Variants in KIF15 observed in about 807,000 individuals in gnomAD.
KIF15 encodes kinesin-like protein KIF15.
A neutral mutation model predicts 190.6 loss-of-function variants in KIF15; 140 were observed. The ratio of observed to expected loss-of-function variants is 0.73; its 90% CI spans 0.64 to 0.84. The LOEUF (loss-of-function observed/expected upper bound fraction) is 0.84, where lower values mean the gene tolerates loss of function less well. KIF15 is among the 40% of genes least tolerant of loss of function. The pLI is 0.00. For synonymous variants in KIF15, 528 were observed against 551.3 expected, an observed-to-expected ratio of 0.96 and a Z score of 0.59; for missense variants, 1,372 against 1,584.4, an observed-to-expected ratio of 0.87 and a Z score of 2.28.
In KIF15 at chr3:44,794,347, G is replaced by T. The variant is rs375991968; in HGVS notation, c.770G>T (p.Arg257Leu). ...AAAAGTAATGAGATTGTGAATATAC[G>T]GACCTCCCTACTCAACCTGGTGGAT... is the stretch of plus-strand genomic sequence containing the variant. Reference protein sequence around the residue: ...MEKSNEIVNIRTSLLNLVDLA... With the variant: ...MEKSNEIVNILTSLLNLVDLA... The change falls in exon 8 of 35, where the codon CGG (arginine) becomes CTG (leucine). Residue 257 changes from arginine (R) to leucine (L), a missense_variant. Physicochemically the swap from Arg to Leu is moderately radical, Grantham distance 102 (BLOSUM62 -2). Coordinates refer to ENST00000326047, the MANE Select transcript of KIF15 (RefSeq NM_020242.3). 1 of 1,613,700 alleles carries T rather than the reference G, an allele frequency of 6.2e-7. No homozygotes were observed.
Position 44,841,054 on chromosome 3 carries a change from G to A in KIF15, c.3421-20G>A, listed in dbSNP as rs1698577052. 1 of 1,582,892 alleles carries A rather than the reference G, an allele frequency of 6.3e-7. No individual in the cohort carries two copies. On this transcript the variant is annotated intron_variant, in intron 28 of 34. Transcript: ENST00000326047. ...ATATCACTTAATTGGATATTTGGAT[G>A]AGATGTGATTTTATTTTAGAGTCCT... is the stretch of plus-strand genomic sequence containing the variant.
intron 1 of KIF15, among the ~76,000 whole-genome samples, chr3:44,773,442 G>T (rs1022776766): frequency 2.0e-5 from 3 of 152,190 alleles, no homozygotes; most frequent in Admixed American, 6.5e-5. Context: ...GAAGGGGAGG[G>T]ATGCAAGGAA....
chr3:44,861,746 C>A, intron 6 of KIF15: 1 of 639,804 alleles, frequency 1.6e-6, no homozygotes, highest in Non-Finnish European at 2.5e-6. Context: ...CGGAGGCCGC[C>A]ACAGCCCAGG....
rs1213374280 is a variant in KIF15 at position 44,851,873 on chromosome 3, A to T, written c.3893A>T (p.Glu1298Val). ...TDEVERTQTL[E>V]SKAFQEKEQL... Reference sequence around the variant, plus strand: ...GAAGTCGAACGAACCCAAACTTTGGAGTCTAAAGCATTCCAGGAAAAAGAA... The same window carrying T: ...GAAGTCGAACGAACCCAAACTTTGGTGTCTAAAGCATTCCAGGAAAAAGAA... Residue 1298 changes from glutamate (E) to valine (V), a missense_variant, in exon 33 of 35, where the codon GAG (glutamate) becomes GTG (valine). Glu to Val is a moderately radical substitution (Grantham distance 121). Coordinates refer to ENST00000326047, the MANE Select transcript of KIF15 (RefSeq NM_020242.3). 6.2e-7 allele frequency: 1 copy of T among 1,614,088 alleles called. No homozygotes were observed. Among genetic ancestry groups the T allele is most frequent in the South Asian group, 1.1e-5 (1 of 91,082 alleles).
rs1707059313 is a variant in KIF15, at chr3:44,797,761, G to T, written c.976-73G>T. On this transcript the variant is annotated intron_variant, in intron 9 of 34. Transcript: ENST00000326047. ...CAGTCTCTCAGCCTTGGTGGCAAGA[G>T]TATACATTTTCTTTGCTTAAAAAGG... 7 of 1,604,142 alleles carry T rather than the reference G, an allele frequency of 4.4e-6. No individual in the cohort carries two copies. The East Asian group carries it at 1.6e-4, about 36-fold the overall frequency.
intron 1 of KIF15, among the ~76,000 whole-genome samples, chr3:44,766,878 T>G (rs919836793): frequency 1.5e-5 from 2 of 129,196 alleles, no homozygotes; most frequent in Non-Finnish European, 3.0e-5. Context: ...TGGCGTGATC[T>G]CGGCTCACTG....
intron 6 of KIF15, chr3:44,864,188 C>A (rs138103466): frequency 6.2e-7 from 1 of 1,613,670 alleles, no homozygotes; most frequent in East Asian, 2.2e-5. Context: ...GTGACACTTT[C>A]TCCTGCAGGT....
intron 16 of KIF15, among the ~76,000 whole-genome samples, chr3:44,808,240 T>C (rs964725912): frequency 4.6e-5 from 7 of 152,250 alleles, no homozygotes; most frequent in Admixed American, 1.3e-4. Flanking sequence ...AATGGAATTA[T>C]AGAGCTTGAA....
chr3:44,864,052 C>T, intron 6 of KIF15: 3 of 876,674 alleles, frequency 3.4e-6, no homozygotes, highest in South Asian at 3.2e-5. Flanking sequence ...AAGCCCTGTG[C>T]AGGAAAGCTC....
chr3:44,861,930 C>T (rs1487759304), intron 6 of KIF15: 7 of 1,443,098 alleles, frequency 4.9e-6, no homozygotes, highest in Non-Finnish European at 6.4e-6. Flanking sequence ...GCAACATGGC[C>T]GAGAGGCCGG....
At chr3:44,863,946 C>G (rs1261297188) in intron 6 of KIF15, 2 of 514,146 alleles carry the variant, frequency 3.9e-6, no homozygotes, top group Non-Finnish European at 3.5e-6. Context: ...TTTGCTTCTT[C>G]CCAAGATCAT....
chr3:44,859,651 C>G (rs1699219540), intron 6 of KIF15, among the ~76,000 whole-genome samples: 2 of 151,994 alleles, frequency 1.3e-5, no homozygotes, highest in Non-Finnish European at 2.9e-5. Context: ...AGAGCAGGAC[C>G]CTGTCTCAAA....
intron 17 of KIF15, among the ~76,000 whole-genome samples, chr3:44,811,474 C>T (rs932844284): frequency 4.6e-5 from 7 of 152,070 alleles, no homozygotes; most frequent in African/African-American, 1.7e-4. Context: ...GGTGAAACCC[C>T]GTCTCTACTA....
chr3:44,776,028 G>A (rs1005521947), intron 3 of KIF15, among the ~76,000 whole-genome samples: 10 of 151,006 alleles, frequency 6.6e-5, no homozygotes, highest in South Asian at 4.2e-4. Flanking sequence ...TGCAGTGAGC[G>A]GAGATCGCAC....
At chr3:44,855,450 A>T (rs142536262), downstream of KIF15, among the ~76,000 whole-genome samples, 13 of 152,236 alleles carry the variant, frequency 8.5e-5, no homozygotes, top group African/African-American at 2.9e-4. Flanking sequence ...CACAGGAAAT[A>T]TGATGGCTTA....
At chr3:44,785,019 A>C in intron 6 of KIF15, 77 bp downstream of exon 6, 3 of 721,842 alleles carry the variant, frequency 4.2e-6, no homozygotes, top group Non-Finnish European at 7.1e-6. Flanking sequence ...TTAGCTCATG[A>C]TACATGGTGG....
chr3:44,811,594 G>A (rs1433469118), intron 17 of KIF15, among the ~76,000 whole-genome samples: 5 of 152,078 alleles, frequency 3.3e-5, no homozygotes, highest in Non-Finnish European at 7.4e-5. Flanking sequence ...GCAGTGAGCC[G>A]AGATCGCGCC....
chr3:44,803,413 AG>A (rs1707367297), intron 14 of KIF15, among the ~76,000 whole-genome samples: 1 of 152,200 alleles, frequency 6.6e-6, no homozygotes, highest in African/African-American at 2.4e-5. Flanking sequence ...CTCATAGCAC[AG>A]TGTTTGGGTC....
chr3:44,812,046 C>G, intron 17 of KIF15, 136 bp from the exon 18 acceptor site: 1 of 635,962 alleles, frequency 1.6e-6, no homozygotes. Context: ...CCAAACAGGC[C>G]TTTGATACCT....
Sources: gnomAD v4.1 joint callset for allele counts (sites outside exome capture counted in the v4.1 genomes callset) on GRCh38, gnomAD v4.1.1 for gene constraint, MANE v1.5 for transcripts, NCBI Gene and HGNC (gene_info 2026-07-23, HGNC 2026-07-21) for gene names.